Variants in NCK1 observed in about 807,000 individuals in gnomAD.
NCK1 encodes NCK adaptor protein 1.
Under a neutral mutation model 36.6 loss-of-function variants are expected in NCK1, and 19 were observed. That is an observed-to-expected ratio of 0.52 (90% CI 0.36 to 0.76). NCK1 has a LOEUF of 0.76. NCK1 is among the 30% of genes least tolerant of loss of function. The pLI is 0.00. For synonymous variants in NCK1, 165 were observed against 156.0 expected, an observed-to-expected ratio of 1.06 and a Z score of -0.43; for missense variants, 358 against 445.6, an observed-to-expected ratio of 0.80 and a Z score of 1.77.
At position 136,949,827 on chromosome 3, in the gene NCK1, G is replaced by T. The variant is rs1467373460; in HGVS notation, c.*1374G>T. 1 of 115,012 alleles carries T rather than the reference G, an allele frequency of 8.7e-6. No homozygotes were observed. Among genetic ancestry groups the T allele is most frequent in the African/African-American group, 3.1e-5 (1 of 32,436 alleles). 7.1% of individuals were successfully genotyped at this position (115,012 alleles called of 1,614,324 possible). On this transcript the variant is annotated 3_prime_UTR_variant, in exon 4 of 4. Coordinates refer to ENST00000481752, the MANE Select transcript of NCK1 (RefSeq NM_001291999.2). ...AATTACTGATGGTAAAATTGAAGTT[G>T]TGTAACTTGTGAATTTTTTTTATCA... is the stretch of plus-strand genomic sequence containing the variant.
chr3:136,867,177 C>T (rs866121297), intron 1 of NCK1, among the ~76,000 whole-genome samples: 13 of 25,560 alleles, frequency 5.1e-4, no homozygotes, highest in Admixed American at 1.5e-3. Context: ...TCCTTCCTTC[C>T]TTCTTTCTTT....
chr3:136,934,901 G>A (rs1191562905), intron 2 of NCK1, among the ~76,000 whole-genome samples: 4 of 152,134 alleles, frequency 2.6e-5, no homozygotes, highest in Non-Finnish European at 5.9e-5. Context: ...TAAGAAGATT[G>A]TGGTGAACTG....
At chr3:136,924,843 T>C (rs1427251444) in intron 1 of NCK1, among the ~76,000 whole-genome samples, 1 of 152,188 alleles carries the variant, frequency 6.6e-6, no homozygotes, top group African/African-American at 2.4e-5. Flanking sequence ...CACCAAGGTC[T>C]GATTTTTCAC....
At chr3:136,913,295 GTT>G (rs1487260428) in intron 1 of NCK1, among the ~76,000 whole-genome samples, 1 of 151,886 alleles carries the variant, frequency 6.6e-6, no homozygotes, top group Non-Finnish European at 1.5e-5. Flanking sequence ...TTTTCTTTTT[GTT>G]TTTAGAGTCT....
At chr3:136,916,921 G>A (rs1276365860) in intron 1 of NCK1, among the ~76,000 whole-genome samples, 1 of 152,162 alleles carries the variant, frequency 6.6e-6, no homozygotes, top group African/African-American at 2.4e-5. Context: ...TACAACCCAA[G>A]TGTGTGGCTA....
At chr3:136,910,218 G>T (rs890153612) in intron 1 of NCK1, among the ~76,000 whole-genome samples, 2 of 152,044 alleles carry the variant, frequency 1.3e-5, no homozygotes, top group African/African-American at 2.4e-5. Flanking sequence ...TGTCTATTCA[G>T]TAGCTACTTT....
At chr3:136,876,300 A>G (rs1485669313) in intron 1 of NCK1, among the ~76,000 whole-genome samples, 1 of 152,202 alleles carries the variant, frequency 6.6e-6, no homozygotes, top group Non-Finnish European at 1.5e-5. Context: ...AAATAACTAA[A>G]ATCAGAGCAG....
chr3:136,937,923 C>G (rs1447762881), intron 2 of NCK1, among the ~76,000 whole-genome samples: 1 of 137,176 alleles, frequency 7.3e-6, no homozygotes, highest in Non-Finnish European at 1.6e-5. Context: ...ACTAGCACTT[C>G]CAATACAATG....
chr3:136,886,598 T>C (rs1384941479), intron 1 of NCK1, among the ~76,000 whole-genome samples: 1 of 152,096 alleles, frequency 6.6e-6, no homozygotes, highest in South Asian at 2.1e-4. Context: ...GCGGAACCCA[T>C]AGATACAGAG....
chr3:136,941,099 T>C (rs796673405), intron 2 of NCK1, among the ~76,000 whole-genome samples: 11 of 148,678 alleles, frequency 7.4e-5, no homozygotes, highest in African/African-American at 2.7e-4. Context: ...TACTGTCTTC[T>C]TTTGTGATTT....
At chr3:136,930,742 G>GAT in intron 2 of NCK1, 1 of 578,154 alleles carries the variant, frequency 1.7e-6, no homozygotes, top group East Asian at 3.7e-5. Context: ...AATGATTGGT[G>GAT]ATATATCCAA....
rs61731511 is a variant in NCK1 at position 136,945,965 on chromosome 3, A to T, written c.609A>T (p.Ser203=). Residue 203 remains serine (S), a synonymous_variant, in exon 3 of 4, where the codon TCA becomes TCT. Coordinates refer to ENST00000481752, the MANE Select transcript of NCK1 (RefSeq NM_001291999.2). The part of the protein sequence containing the change: ...HVVQALYPFS[S]SNDEELNFEK... ...TACAGGCTCTTTACCCATTCAGCTC[A>T]TCTAATGATGAAGAACTTAATTTCG... The T allele has an allele frequency of 7.8e-3, 12,653 of 1,614,016 alleles. 75 individuals carry two copies. The highest frequency in any genetic ancestry group is 9.1e-3 in the Non-Finnish European group (10,746 of 1,179,892).
At chr3:136,874,547 T>C (rs1938713049) in intron 1 of NCK1, among the ~76,000 whole-genome samples, 1 of 152,222 alleles carries the variant, frequency 6.6e-6, no homozygotes. Flanking sequence ...TGGAGTAGAA[T>C]TGTGCTGTCT....
At chr3:136,922,861 A>G (rs1474941797) in intron 1 of NCK1, among the ~76,000 whole-genome samples, 1 of 152,228 alleles carries the variant, frequency 6.6e-6, no homozygotes, top group Non-Finnish European at 1.5e-5. Flanking sequence ...TCAAAATGAC[A>G]CATGTATGAG....
At chr3:136,905,542 A>T (rs546247402) in intron 1 of NCK1, among the ~76,000 whole-genome samples, 1 of 150,698 alleles carries the variant, frequency 6.6e-6, no homozygotes, top group African/African-American at 2.4e-5. Context: ...CAAGGGTCAC[A>T]GTGTCTGGCC....
intron 1 of NCK1, among the ~76,000 whole-genome samples, chr3:136,922,877 T>G (rs955339720): frequency 2.0e-5 from 3 of 152,200 alleles, no homozygotes. Context: ...ATGAGGCTGT[T>G]CATTGCAGCA....
chr3:136,924,899 A>C (rs1027401906), intron 1 of NCK1, among the ~76,000 whole-genome samples: 2 of 152,168 alleles, frequency 1.3e-5, no homozygotes. Context: ...AAAAGGGAAA[A>C]GGTCAGGAGC....
intron 3 of NCK1, 26 bp from the exon 4 acceptor site, chr3:136,948,233 A>G (rs1052343750): frequency 7.8e-6 from 12 of 1,546,664 alleles, no homozygotes; most frequent in South Asian, 7.4e-5. Context: ...AATGTTTACT[A>G]TATGTATCTT....
chr3:136,910,935 C>T (rs767987691), intron 1 of NCK1, among the ~76,000 whole-genome samples: 7 of 152,158 alleles, frequency 4.6e-5, no homozygotes, highest in Non-Finnish European at 8.8e-5. Context: ...CTGGCTTCTC[C>T]CCAGTCTCTG....
Sources: allele counts gnomAD v4.1 joint callset (sites outside exome capture counted in the v4.1 genomes callset), GRCh38; gene constraint gnomAD v4.1.1; transcripts MANE v1.5; gene names NCBI Gene and HGNC (gene_info 2026-07-23, HGNC 2026-07-21).